MAPKAP1: variants seen among roughly 807,000 people sequenced by gnomAD.
MAPKAP1 encodes target of rapamycin complex 2 subunit MAPKAP1.
In MAPKAP1, 20 loss-of-function variants were observed where a neutral mutation model predicts 65.7. The observed-to-expected ratio is 0.30, with a 90% CI of 0.21 to 0.44. The LOEUF (loss-of-function observed/expected upper bound fraction) is 0.44, where lower values mean the gene tolerates loss of function less well. Ranked by LOEUF, MAPKAP1 falls within the 20% of genes least tolerant of loss-of-function variation. MAPKAP1 has a pLI of 1.00. For missense variants in MAPKAP1, 423 were observed against 648.0 expected (o/e 0.65, Z 3.77); for synonymous variants, 222 against 244.3 (o/e 0.91, Z 0.85).
intron 1 of MAPKAP1, among the ~76,000 whole-genome samples, chr9:125,695,652 G>T (rs1042113285): frequency 2.0e-5 from 3 of 151,998 alleles, no homozygotes; most frequent in African/African-American, 7.2e-5. Flanking sequence ...GTACATAAGA[G>T]AATCAGTATG....
chr9:125,602,726 A>T lies in MAPKAP1; in HGVS notation c.499-16999T>A, dbSNP rs374600229. Among the ~76,000 whole-genome samples, 146 of 152,258 alleles carry T rather than the reference A, an allele frequency of 9.6e-4. 4 individuals carry two copies. In the South Asian group the frequency reaches 0.029, roughly 30 times the overall value. On this transcript the variant is annotated intron_variant, in intron 4 of 11. Transcript: ENST00000265960. ...ACCTATCAGGGTCCAAGCACTTTTC[A>T]TACATTATCTCATTTAATATGCCCA...
At chr9:125,615,538 C>CA (rs58426049) in intron 4 of MAPKAP1, among the ~76,000 whole-genome samples, 1,200 of 110,652 alleles carry the variant, frequency 0.011, 22 homozygotes, top group African/African-American at 0.041. Flanking sequence ...ACTAAAAATA[C>CA]AAAAAAAAAA....
At chr9:125,619,645 T>C (rs1054166687) in intron 4 of MAPKAP1, among the ~76,000 whole-genome samples, 5 of 151,986 alleles carry the variant, frequency 3.3e-5, no homozygotes, top group East Asian at 3.9e-4. Context: ...TATACGAACA[T>C]AGCAGAAAAT....
intron 4 of MAPKAP1, among the ~76,000 whole-genome samples, chr9:125,635,263 T>G (rs1020630830): frequency 2.6e-5 from 4 of 152,212 alleles, no homozygotes; most frequent in Non-Finnish European, 5.9e-5. Context: ...CCCATTCACC[T>G]CAAACATCGT....
intron 3 of MAPKAP1, among the ~76,000 whole-genome samples, chr9:125,666,262 G>C (rs2062120727): frequency 6.6e-6 from 1 of 152,124 alleles, no homozygotes; most frequent in Non-Finnish European, 1.5e-5. Flanking sequence ...GGATCAGTAA[G>C]TTCATAAAGA....
At chr9:125,587,970 G>A (rs918111391) in intron 4 of MAPKAP1, among the ~76,000 whole-genome samples, 1 of 152,126 alleles carries the variant, frequency 6.6e-6, no homozygotes, top group African/African-American at 2.4e-5. Context: ...ACTGCCAGTG[G>A]GAATGTAAAA....
At chr9:125,661,237 G>A (rs1289314884) in intron 3 of MAPKAP1, among the ~76,000 whole-genome samples, 1 of 152,174 alleles carries the variant, frequency 6.6e-6, no homozygotes, top group East Asian at 1.9e-4. Context: ...ACCAGTGGGA[G>A]CATGAAACAG....
intron 1 of MAPKAP1, among the ~76,000 whole-genome samples, chr9:125,679,451 G>T (rs1035216952): frequency 2.0e-5 from 3 of 152,086 alleles, no homozygotes; most frequent in Admixed American, 2.0e-4. Flanking sequence ...AACAGTGCTT[G>T]TACAACAGCA....
chr9:125,606,055 C>T (rs953247873), intron 4 of MAPKAP1, among the ~76,000 whole-genome samples: 1 of 151,916 alleles, frequency 6.6e-6, no homozygotes, highest in African/African-American at 2.4e-5. Context: ...TTTTATAAGA[C>T]GATAATTCCT....
chr9:125,570,914 C>T (rs1831209988), intron 5 of MAPKAP1, among the ~76,000 whole-genome samples: 1 of 150,532 alleles, frequency 6.6e-6, no homozygotes, highest in African/African-American at 2.5e-5. Flanking sequence ...CACTCATCTG[C>T]TCTTTCATAA....
At chr9:125,452,927 G>T (rs939691187) in intron 10 of MAPKAP1, among the ~76,000 whole-genome samples, 2 of 151,820 alleles carry the variant, frequency 1.3e-5, no homozygotes, top group South Asian at 2.1e-4. Flanking sequence ...GAAAATAAAT[G>T]AAATTAAAAC....
Position 125,484,492 on chromosome 9 carries a change from G to A in MAPKAP1, c.1158C>T (p.Phe386=). Residue 386 remains phenylalanine, a synonymous_variant, in exon 9 of 12, where the codon TTC becomes TTT. Transcript: ENST00000265960. ...DMLSSHHYKS[F]KVSMIHRLRF... ...GCAGTCTGTGGATCATGCTGACTTT[G>A]AATGACTTGTAATGGTGGCTGCTAA... The A allele has an allele frequency of 6.2e-7, 1 of 1,613,478 alleles. No individual in the cohort carries two copies.
intron 1 of MAPKAP1, among the ~76,000 whole-genome samples, chr9:125,700,106 A>G (rs1461208023): frequency 6.6e-6 from 1 of 152,264 alleles, no homozygotes; most frequent in African/African-American, 2.4e-5. Flanking sequence ...AATCAAATCC[A>G]AGCGGGTCTG....
intron 3 of MAPKAP1, among the ~76,000 whole-genome samples, chr9:125,668,898 C>T (rs964515191): frequency 6.6e-6 from 1 of 152,190 alleles, no homozygotes; most frequent in Admixed American, 6.5e-5. Context: ...CAAAATATCA[C>T]AGGGGCTGGG....
chr9:125,581,215 G>A (rs1360637964), intron 5 of MAPKAP1, among the ~76,000 whole-genome samples: 1 of 152,206 alleles, frequency 6.6e-6, no homozygotes, highest in Non-Finnish European at 1.5e-5. Context: ...TGGAATAAAT[G>A]CCCAAGAGGG....
intron 1 of MAPKAP1, among the ~76,000 whole-genome samples, chr9:125,673,057 ATTTC>A (rs1404994554): frequency 6.6e-6 from 1 of 152,188 alleles, no homozygotes; most frequent in Non-Finnish European, 1.5e-5. Flanking sequence ...ACAAAACTCT[ATTTC>A]ATCAGTTTAC....
At chr9:125,601,756 A>G (rs1267222339) in intron 4 of MAPKAP1, among the ~76,000 whole-genome samples, 1 of 152,236 alleles carries the variant, frequency 6.6e-6, no homozygotes, top group East Asian at 1.9e-4. Flanking sequence ...CAATTACAAC[A>G]TTCACTTTCA....
intron 7 of MAPKAP1, among the ~76,000 whole-genome samples, chr9:125,528,071 T>A (rs573677147): frequency 3.9e-5 from 6 of 152,336 alleles, no homozygotes; most frequent in African/African-American, 1.4e-4. Context: ...CTGGGCCAGC[T>A]GCGGTGCTGG....
At chr9:125,452,016 G>A (rs894158301) in intron 10 of MAPKAP1, among the ~76,000 whole-genome samples, 1 of 151,852 alleles carries the variant, frequency 6.6e-6, no homozygotes, top group Non-Finnish European at 1.5e-5. Context: ...CGCCATGTTG[G>A]TCAGGCTGGT....
Sources: allele counts gnomAD v4.1 joint callset (sites outside exome capture counted in the v4.1 genomes callset), GRCh38; gene constraint gnomAD v4.1.1; transcripts MANE v1.5; gene names NCBI Gene and HGNC (gene_info 2026-07-23, HGNC 2026-07-21).